The following GAA variants were observed in gnomAD, a reference collection of about 807,000 sequenced individuals.
GAA encodes lysosomal alpha-glucosidase.
A neutral mutation model predicts 103.9 loss-of-function variants in GAA; 88 were observed. That is an observed-to-expected ratio of 0.85 (90% confidence interval 0.71 to 1.01). The LOEUF is 1.01. Among genes scored for constraint, GAA ranks in the 50% least tolerant of loss-of-function variants. GAA has a pLI of 0.00. For missense variants in GAA, 1,350 were observed against 1,305.3 expected, an observed-to-expected ratio of 1.03 and a Z score of -0.53; for synonymous variants, 572 against 563.1, an observed-to-expected ratio of 1.02 and a Z score of -0.22.
intron 1 of GAA, among the ~76,000 whole-genome samples, chr17:80,102,905 T>A (rs1408930865): frequency 6.6e-6 from 1 of 152,150 alleles, no homozygotes; most frequent in East Asian, 1.9e-4. Context: ...TGACTCCAGG[T>A]AGTGTCAAGA....
At chr17:80,108,923 C>T (rs183987221) in intron 8 of GAA, 95 bp downstream of exon 8, 17 of 1,415,234 alleles carry the variant, frequency 1.2e-5, no homozygotes, top group African/African-American at 8.6e-5. Context: ...CCTGTGTGGT[C>T]GCCGAGGATG....
Position 80,105,794 on chromosome 17 carries a change from C to G in GAA, c.592C>G (p.Pro198Ala). 2 of 1,612,100 alleles carry G rather than the reference C, an allele frequency of 1.2e-6. No individual in the cohort carries two copies. The highest frequency in any genetic ancestry group is 1.7e-6 in the Non-Finnish European group (2 of 1,180,008). Reference protein sequence around the residue: ...NRRYEVPLETPHVHSRAPSPL... With the variant: ...NRRYEVPLETAHVHSRAPSPL... ...GCGCTACGAGGTGCCCTTGGAGACC[C>G]CGCATGTCCACAGCCGGGCACCGTC... Residue 198 changes from proline to alanine, a missense_variant, in exon 3 of 20, where the codon CCG becomes GCG. By Grantham distance (27) the Pro-to-Ala change is conservative. Transcript: ENST00000302262.
Position 80,119,660 on chromosome 17 carries a change from G to A in GAA, c.*329G>A. ...AGCCACCCCCCTCCATCTGTTCCCA[G>A]CACCGGAGAAGGGGGTGCTCAGGTG... On this transcript the variant is annotated 3_prime_UTR_variant, in exon 20 of 20. Transcript: ENST00000302262. 1 of 370,888 alleles carries A rather than the reference G, an allele frequency of 2.7e-6. No individual in the cohort carries two copies. The highest frequency in any genetic ancestry group is 5.2e-6 in the Non-Finnish European group (1 of 191,210). The allele number at this position is 370,888 out of a possible 1,614,324, so 23.0% of individuals were successfully genotyped here. A position where few individuals can be genotyped will look rare whatever the true frequency, so the allele number is the denominator to read the frequency against.
chr17:80,111,958 G>A (rs1567834099), intron 11 of GAA, 25 bp from the exon 12 acceptor site: 2 of 1,602,740 alleles, frequency 1.2e-6, no homozygotes, highest in East Asian at 4.5e-5. Flanking sequence ...GAAGCTCCCT[G>A]GAAACCAGCC....
rs1246157338 is a variant in GAA at position 80,118,636 on chromosome 17, C to G, written c.2647-17C>G. 2 of 1,611,310 alleles carry G rather than the reference C, an allele frequency of 1.2e-6. No individual in the cohort carries two copies. Among genetic ancestry groups the G allele is most frequent in the East Asian group, 2.2e-5 (1 of 44,874 alleles). ...CTCCACATTCTCTGCCTTTTCATCT[C>G]TCTCTGCTCGGCCCAGAACACGATC... On this transcript the variant is annotated splice_polypyrimidine_tract_variant and intron_variant, in intron 18 of 19. Transcript: ENST00000302262.
intron 15 of GAA, among the ~76,000 whole-genome samples, chr17:80,115,787 T>C (rs2039343274): frequency 6.6e-6 from 1 of 152,214 alleles, no homozygotes; most frequent in South Asian, 2.1e-4. Flanking sequence ...GTGTTCTTCA[T>C]TGTGTGTGGC....
chr17:80,116,851 CA>C, intron 15 of GAA, 116 bp from the exon 16 acceptor site: 1 of 1,169,004 alleles, frequency 8.6e-7, no homozygotes, highest in Non-Finnish European at 1.3e-6. Context: ...AGTCCTCCGG[CA>C]CCTTGAGCTC....
At chr17:80,112,298 G>T in intron 12 of GAA, 198 bp downstream of exon 12, 2 of 657,202 alleles carry the variant, frequency 3.0e-6, no homozygotes, top group South Asian at 3.6e-5. Context: ...TCATGCCTGG[G>T]GCTTGGAGAG....
chr17:80,118,137 G>C (rs2039400057), intron 17 of GAA, 56 bp from the exon 18 acceptor site: 1 of 1,595,306 alleles, frequency 6.3e-7, no homozygotes, highest in Non-Finnish European at 8.6e-7. Context: ...GGGCCCTGGA[G>C]GCCTCCACCT....
chr17:80,118,834 C>T (rs779504395), intron 19 of GAA, 29 bp downstream of exon 19: 7 of 1,611,204 alleles, frequency 4.3e-6, no homozygotes, highest in African/African-American at 4.0e-5. Flanking sequence ...GCACAGGGAT[C>T]GCGTCCCCCA....
intron 9 of GAA, 61 bp downstream of exon 9, chr17:80,110,116 G>A (rs1005805468): frequency 2.8e-5 from 37 of 1,339,224 alleles, no homozygotes; most frequent in Middle Eastern, 1.9e-4. Flanking sequence ...AGGGGGAGCC[G>A]GCAGCTGCTC....
At chr17:80,105,494 C>A (rs1173221813) in intron 2 of GAA, among the ~76,000 whole-genome samples, 1 of 152,182 alleles carries the variant, frequency 6.6e-6, no homozygotes, top group Non-Finnish European at 1.5e-5. Context: ...TGTATTTATA[C>A]TAGAAAAGCT....
rs1567830317 is a variant in GAA, at chr17:80,108,547, C to T, written c.1134C>T (p.Tyr378=). 1 of 1,612,908 alleles carries T rather than the reference C, an allele frequency of 6.2e-7. No homozygotes were observed. Among genetic ancestry groups the T allele is most frequent in the Middle Eastern group, 1.6e-4 (1 of 6,062 alleles). ...GLGFHLCRWG[Y]SSTAITRQVV... ...GCTTCCACCTGTGCCGCTGGGGCTACTCCTCCACCGCTATCACCCGCCAGG... is the reference window on the plus strand; with the variant it reads ...GCTTCCACCTGTGCCGCTGGGGCTATTCCTCCACCGCTATCACCCGCCAGG... The change falls in exon 7 of 20, where the codon TAC becomes TAT. Residue 378 remains tyrosine (Y), a synonymous_variant. Transcript: ENST00000302262.
rs1555600070 is a variant in GAA at position 80,108,527 on chromosome 17, C to T, written c.1114C>T (p.His372Tyr). ...FMPPYWGLGF[H>Y]LCRWGYSSTA... Reference sequence around the variant, plus strand: ...GCCGCCATACTGGGGCCTGGGCTTCCACCTGTGCCGCTGGGGCTACTCCTC... The same window carrying T: ...GCCGCCATACTGGGGCCTGGGCTTCTACCTGTGCCGCTGGGGCTACTCCTC... Residue 372 changes from histidine (H) to tyrosine (Y), a missense_variant, in exon 7 of 20, where the codon CAC (histidine) becomes TAC (tyrosine). Coordinates refer to ENST00000302262, the MANE Select transcript of GAA (RefSeq NM_000152.5). 3.7e-6 allele frequency: 6 copies of T among 1,613,090 alleles called. No individual in the cohort carries two copies. Among genetic ancestry groups the T allele is most frequent in the Non-Finnish European group, 5.1e-6 (6 of 1,179,954 alleles).
In GAA at chr17:80,107,574, C is replaced by T. The variant is rs121907944; in HGVS notation, c.710C>T (p.Ala237Val). The change falls in exon 4 of 20, where the codon GCG becomes GTG. Residue 237 changes from alanine to valine, a missense_variant. Physicochemically the swap from Ala to Val is moderately conservative, Grantham distance 64. Coordinates refer to ENST00000302262, the MANE Select transcript of GAA (RefSeq NM_000152.5). ...TCCCGCAGGCTGAACACGACGGTGGCGCCCCTGTTCTTTGCGGACCAGTTC... is the reference window on the plus strand; with the variant it reads ...TCCCGCAGGCTGAACACGACGGTGGTGCCCCTGTTCTTTGCGGACCAGTTC... ...DGRVLLNTTVAPLFFADQFLQ... is the reference protein window; with the variant it reads ...DGRVLLNTTVVPLFFADQFLQ... 19 of 1,612,948 alleles carry T rather than the reference C, an allele frequency of 1.2e-5. No homozygotes were observed. In the South Asian group the frequency reaches 1.2e-4, roughly 10 times the overall value.
intron 8 of GAA, among the ~76,000 whole-genome samples, chr17:80,109,109 C>T (rs560521512): frequency 6.6e-6 from 1 of 152,284 alleles, no homozygotes; most frequent in Admixed American, 6.5e-5. Context: ...GCATGATAAA[C>T]TGATGTCACC....
At chr17:80,106,349 T>C (rs1454519541) in intron 3 of GAA, among the ~76,000 whole-genome samples, 1 of 35,994 alleles carries the variant, frequency 2.8e-5, no homozygotes, top group African/African-American at 7.3e-5. Flanking sequence ...CGTCAGGGAG[T>C]GGTCATGCAG....
intron 11 of GAA, chr17:80,111,689 G>T (rs1598583149): frequency 2.1e-6 from 1 of 480,640 alleles, no homozygotes; most frequent in Admixed American, 3.3e-5. Flanking sequence ...AGGTAAACAG[G>T]CAGGGGAGTG....
Position 80,113,232 on chromosome 17 carries a change from C to T in GAA, c.2055C>T (p.Tyr685=), listed in dbSNP as rs750214208. 1.9e-6 allele frequency: 3 copies of T among 1,601,642 alleles called. No individual in the cohort carries two copies. Among genetic ancestry groups the T allele is most frequent in the South Asian group, 2.2e-5 (2 of 88,896 alleles). The part of the protein sequence containing the change: ...NSLLSLPQEP[Y]SFSEPAQQAM... ...CTGCCCTGCAGCCCCAGGAGCCGTA[C>T]AGCTTCAGCGAGCCGGCCCAGCAGG... Residue 685 remains tyrosine, a synonymous_variant, in exon 15 of 20, where the codon TAC becomes TAT. Transcript: ENST00000302262.
Sources: gnomAD v4.1 joint callset for allele counts (sites outside exome capture counted in the v4.1 genomes callset) on GRCh38, gnomAD v4.1.1 for gene constraint, MANE v1.5 for transcripts, NCBI Gene and HGNC (gene_info 2026-07-23, HGNC 2026-07-21) for gene names.